The following SPAG9 variants were observed in gnomAD, a reference collection of about 807,000 sequenced individuals.
SPAG9 encodes sperm associated antigen 9.
A neutral mutation model predicts 166.5 loss-of-function variants in SPAG9; 35 were observed. The ratio of observed to expected loss-of-function variants is 0.21; its 90% CI spans 0.16 to 0.28. The LOEUF is 0.28. Ranked by LOEUF, SPAG9 falls within the 10% of genes least tolerant of loss-of-function variation. The pLI, the probability that SPAG9 is intolerant of heterozygous loss-of-function variation, is 1.00. For synonymous variants in SPAG9, 534 were observed against 565.5 expected, an observed-to-expected ratio of 0.94 and a Z score of 0.79; for missense variants, 1,235 against 1,603.3, an observed-to-expected ratio of 0.77 and a Z score of 3.92.
intron 8 of SPAG9, 84 bp downstream of exon 8, chr17:51,020,074 AT>A: frequency 1.3e-6 from 1 of 752,678 alleles, no homozygotes; most frequent in Non-Finnish European, 2.3e-6. Flanking sequence ...ATCTGAATCC[AT>A]TTTGTCCAGA....
At position 50,984,170 on chromosome 17, in the gene SPAG9, A is replaced by G. The variant is rs192249665; in HGVS notation, c.3088+753T>C. Among the ~76,000 whole-genome samples the G allele has an allele frequency of 2.2e-3, 337 of 152,290 alleles. 3 individuals are homozygous for G. The highest frequency in any genetic ancestry group is 7.9e-3 in the African/African-American group (330 of 41,572). ...ATTCATTTAAGGTAGGGTTTCTGAT[A>G]CCACCACCCCTCTATAGATGAAACA... On this transcript the variant is annotated intron_variant, in intron 24 of 29. Coordinates refer to ENST00000262013, the MANE Select transcript of SPAG9 (RefSeq NM_001130528.3).
At chr17:51,116,209 A>G (rs926763261) in intron 1 of SPAG9, among the ~76,000 whole-genome samples, 1 of 151,976 alleles carries the variant, frequency 6.6e-6, no homozygotes, top group Non-Finnish European at 1.5e-5. Context: ...CCACACCCAG[A>G]TAATTTTTGT....
At chr17:51,085,755 T>A (rs2048287844) in intron 1 of SPAG9, among the ~76,000 whole-genome samples, 1 of 152,178 alleles carries the variant, frequency 6.6e-6, no homozygotes, top group Non-Finnish European at 1.5e-5. Flanking sequence ...AAGTAGATCT[T>A]AAACTTCTTG....
Position 50,976,858 on chromosome 17 carries a change from G to C in SPAG9, c.3523+250C>G, listed in dbSNP as rs569603843. On this transcript the variant is annotated intron_variant, in intron 27 of 29. Transcript: ENST00000262013. ...ATGGACTTTAACTTTTATTTCAAAA[G>C]ATGAAATAGGACTGTGATTCCTGAA... 8.5e-5 allele frequency: 28 copies of C among 330,208 alleles called. 1 individual carries two copies. The highest frequency in any genetic ancestry group is 6.6e-4 in the South Asian group (16 of 24,302). The allele number at this position is 330,208 out of a possible 1,614,324, so 20.5% of individuals were successfully genotyped here.
chr17:51,066,357 C>T lies in SPAG9; in HGVS notation c.425-9875G>A, dbSNP rs141744498. 1.3e-3 allele frequency among the ~76,000 whole-genome samples: 202 copies of T among 152,036 alleles called. 1 individual carries two copies. Among genetic ancestry groups the T allele is most frequent in the African/African-American group, 4.6e-3 (192 of 41,472 alleles). ...ATCTCCTGGTCTCAAGCACTCCTCCCGCCTCAGCTTTCCAAAATACTGAGA... is the reference window on the plus strand; with the variant it reads ...ATCTCCTGGTCTCAAGCACTCCTCCTGCCTCAGCTTTCCAAAATACTGAGA... On this transcript the variant is annotated intron_variant, in intron 2 of 29. Coordinates refer to ENST00000262013, the MANE Select transcript of SPAG9 (RefSeq NM_001130528.3).
intron 1 of SPAG9, among the ~76,000 whole-genome samples, chr17:51,092,264 G>A (rs1450585020): frequency 1.3e-5 from 2 of 151,784 alleles, no homozygotes; most frequent in African/African-American, 2.4e-5. Flanking sequence ...TCCCTTCCAA[G>A]TCCAAAATGT....
chr17:51,107,041 G>A (rs1042747651), intron 1 of SPAG9, among the ~76,000 whole-genome samples: 9 of 151,306 alleles, frequency 5.9e-5, no homozygotes, highest in African/African-American at 1.7e-4. Flanking sequence ...GGCGGAGGTT[G>A]CAGCGAGCCA....
chr17:50,985,622 G>A, intron 23 of SPAG9, 76 bp downstream of exon 23: 1 of 784,848 alleles, frequency 1.3e-6, no homozygotes, highest in Non-Finnish European at 2.1e-6. Context: ...ACATGTATTA[G>A]CTTTCAAAGT....
chr17:51,035,435 C>G (rs2046549396), intron 5 of SPAG9, among the ~76,000 whole-genome samples: 1 of 152,098 alleles, frequency 6.6e-6, no homozygotes, highest in Non-Finnish European at 1.5e-5. Flanking sequence ...ATTACATATG[C>G]ATTTTATAAT....
rs770074912 is a variant in SPAG9 at position 50,996,552 on chromosome 17, A to T, written c.1968+13T>A. 1 of 1,613,944 alleles carries T rather than the reference A, an allele frequency of 6.2e-7. No homozygotes were observed. Among genetic ancestry groups the T allele is most frequent in the East Asian group, 2.2e-5 (1 of 44,870 alleles). On this transcript the variant is annotated intron_variant, in intron 16 of 29. Transcript: ENST00000262013. The stretch of plus-strand genomic sequence containing the variant: ...CTTTCCTGCTGGATGCTCTTACCAC[A>T]TGTGCATATTACCTGTTTGTACTTC...
In SPAG9 at chr17:50,993,791, G is replaced by A. The variant is rs1057401951; in HGVS notation, c.2371C>T (p.His791Tyr). The stretch of plus-strand genomic sequence containing the variant: ...GGCACACTTGCAATGCACAGAACAT[G>A]AGAGTTGCAAACAGTGAAACTGTCT... ...ILDSFTVCNS[H>Y]VLCIASVPGA... Residue 791 changes from histidine to tyrosine, a missense_variant, in exon 19 of 30, where the codon CAT becomes TAT. By Grantham distance (83) the His-to-Tyr change is moderately conservative. Coordinates refer to ENST00000262013, the MANE Select transcript of SPAG9 (RefSeq NM_001130528.3). 1.1e-5 allele frequency: 17 copies of A among 1,614,016 alleles called. No homozygotes were observed. The highest frequency in any genetic ancestry group is 1.4e-5 in the Non-Finnish European group (17 of 1,180,018).
chr17:51,057,304 G>A (rs1031797500), intron 2 of SPAG9, among the ~76,000 whole-genome samples: 1 of 152,184 alleles, frequency 6.6e-6, no homozygotes, highest in Admixed American at 6.5e-5. Context: ...GGAGCAGTGG[G>A]AGACAGTCTG....
At chr17:50,994,224 G>A (rs142163248) in intron 18 of SPAG9, among the ~76,000 whole-genome samples, 2 of 152,174 alleles carry the variant, frequency 1.3e-5, no homozygotes, top group Non-Finnish European at 2.9e-5. Flanking sequence ...TAAGTCTCAC[G>A]AGATCTGATG....
Position 51,010,578 on chromosome 17 carries a change from A to T in SPAG9, c.1214-3252T>A, listed in dbSNP as rs1173718208. Reference sequence around the variant, plus strand: ...AGCAAGGCAAGAAAAGAAAAAAAAAAAAAAATATATATATATATATATACA... The same window carrying T: ...AGCAAGGCAAGAAAAGAAAAAAAAATAAAAATATATATATATATATATACA... On this transcript the variant is annotated intron_variant, in intron 9 of 29. Transcript: ENST00000262013. Among the ~76,000 whole-genome samples, 1,114 of 141,636 alleles carry T rather than the reference A, an allele frequency of 7.9e-3. 3 individuals are homozygous for T. The highest frequency in any genetic ancestry group is 0.026 in the African/African-American group (956 of 37,192). 92.9% of individuals were successfully genotyped at this position (141,636 alleles called of 152,430 possible).
At chr17:51,034,953 AAAGAC>A (rs1208335214) in intron 5 of SPAG9, among the ~76,000 whole-genome samples, 5 of 152,238 alleles carry the variant, frequency 3.3e-5, no homozygotes, top group East Asian at 1.9e-4. Context: ...CAAGGTCATG[AAAGAC>A]AAGACAAGAC....
intron 4 of SPAG9, chr17:51,046,401 G>A (rs1001552597): frequency 1.2e-6 from 1 of 801,900 alleles, no homozygotes; most frequent in Non-Finnish European, 1.9e-6. Context: ...ATTTTCCATT[G>A]TTTCAATCTG....
At chr17:51,076,196 C>T (rs1031536956) in intron 2 of SPAG9, among the ~76,000 whole-genome samples, 41 of 151,570 alleles carry the variant, frequency 2.7e-4, no homozygotes, top group African/African-American at 8.2e-4. Flanking sequence ...CCGAGGCGGG[C>T]GGACTGCTTT....
intron 24 of SPAG9, 76 bp from the exon 25 acceptor site, chr17:50,982,748 G>A (rs1447793706): frequency 7.9e-7 from 1 of 1,272,812 alleles, no homozygotes; most frequent in Non-Finnish European, 1.1e-6. Context: ...CATTTTATTT[G>A]TTGTATAATT....
At chr17:51,001,916 G>T in intron 12 of SPAG9, 71 bp from the exon 13 acceptor site, 1 of 1,407,770 alleles carries the variant, frequency 7.1e-7, no homozygotes, top group Non-Finnish European at 9.7e-7. Context: ...TCAGAGTTAT[G>T]CAAAATCTTT....
Sources: allele counts gnomAD v4.1 joint callset (sites outside exome capture counted in the v4.1 genomes callset), GRCh38; gene constraint gnomAD v4.1.1; transcripts MANE v1.5; gene names NCBI Gene and HGNC (gene_info 2026-07-23, HGNC 2026-07-21).